The following BMP6 variants were observed in gnomAD, a reference collection of about 807,000 sequenced individuals.
BMP6 encodes bone morphogenetic protein 6, also known as VG-1-R.
In BMP6, 17 loss-of-function variants were observed where a neutral mutation model predicts 54.1. That is an observed-to-expected ratio of 0.31 (90% CI 0.22 to 0.47). The LOEUF is 0.47. Ranked by LOEUF, BMP6 falls within the 20% of genes least tolerant of loss-of-function variation. The pLI, the probability that BMP6 is intolerant of heterozygous loss-of-function variation, is 1.00. For missense variants in BMP6, 720 were observed against 690.4 expected (o/e 1.04, Z -0.48); for synonymous variants, 328 against 291.2 (o/e 1.13, Z -1.28).
intron 1 of BMP6, among the ~76,000 whole-genome samples, chr6:7,783,319 A>G (rs1159547175): frequency 1.3e-5 from 2 of 152,222 alleles, no homozygotes; most frequent in African/African-American, 4.8e-5. Flanking sequence ...GTGAAAATTA[A>G]ATGAGATAAC....
rs1759684815 is a variant in BMP6, at chr6:7,879,867, C to T, written c.1282-124C>T. ...TGTGAACTTGGACAAATTCCTAAGC[C>T]TTCCTGCGTCTGTATCCTTGCCTGT... On this transcript the variant is annotated intron_variant, in intron 5 of 6. Transcript: ENST00000283147. 1.2e-5 allele frequency: 12 copies of T among 984,044 alleles called. No individual in the cohort carries two copies. In the Admixed American group the frequency reaches 1.3e-4, roughly 11 times the overall value. 61.0% of individuals were successfully genotyped at this position (984,044 alleles called of 1,614,324 possible).
intron 1 of BMP6, among the ~76,000 whole-genome samples, chr6:7,798,475 T>C (rs1758223788): frequency 6.6e-6 from 1 of 152,208 alleles, no homozygotes; most frequent in South Asian, 2.1e-4. Context: ...TCTGATACAG[T>C]GCGCATGAGC....
Position 7,858,805 on chromosome 6 carries a change from A to C in BMP6, c.858-2646A>C, listed in dbSNP as rs138142464. Among the ~76,000 whole-genome samples the C allele has an allele frequency of 4.0e-5, 6 of 149,776 alleles. No homozygotes were observed. The East Asian group carries it at 9.8e-4, about 24-fold the overall frequency. ...CCCTTCCAGAGGCCCCGAGCATCCT[A>C]GATCTAAACATTGAAGTCCAAGCCT... On this transcript the variant is annotated intron_variant, in intron 2 of 6. Transcript: ENST00000283147.
chr6:7,762,805 T>G (rs563974683), intron 1 of BMP6, among the ~76,000 whole-genome samples: 12 of 152,354 alleles, frequency 7.9e-5, no homozygotes, highest in African/African-American at 2.9e-4. Context: ...GTCCATATTC[T>G]CGCAGTTCTT....
At chr6:7,773,585 TC>T (rs1757820803) in intron 1 of BMP6, among the ~76,000 whole-genome samples, 1 of 152,212 alleles carries the variant, frequency 6.6e-6, no homozygotes, top group African/African-American at 2.4e-5. Flanking sequence ...GCACAGTAGC[TC>T]TGTTTCCATT....
intron 1 of BMP6, among the ~76,000 whole-genome samples, chr6:7,780,441 C>T (rs6920380): frequency 0.011 from 1,606 of 151,720 alleles, 20 homozygotes; most frequent in Non-Finnish European, 0.017. Flanking sequence ...CCCAGCTGCT[C>T]GGGAGGCTGA....
chr6:7,841,562 T>TG (rs1758970884), intron 1 of BMP6, among the ~76,000 whole-genome samples: 2 of 151,176 alleles, frequency 1.3e-5, no homozygotes, highest in South Asian at 4.2e-4. Context: ...GGCAAAAGAG[T>TG]GGGGGGAACG....
intron 2 of BMP6, among the ~76,000 whole-genome samples, chr6:7,853,856 T>G (rs1759183028): frequency 6.6e-6 from 1 of 152,016 alleles, no homozygotes; most frequent in Non-Finnish European, 1.5e-5. Context: ...GTTAGTTTCA[T>G]CTTCCTAGTC....
chr6:7,871,601 C>T (rs1045371298), intron 4 of BMP6, among the ~76,000 whole-genome samples: 1 of 152,208 alleles, frequency 6.6e-6, no homozygotes, highest in Admixed American at 6.5e-5. Context: ...GGAAAATTGC[C>T]TCTGGGCGGC....
At chr6:7,790,448 G>T (rs889569871) in intron 1 of BMP6, among the ~76,000 whole-genome samples, 1 of 147,756 alleles carries the variant, frequency 6.8e-6, no homozygotes, top group South Asian at 2.2e-4. Flanking sequence ...GGCCCTGGAG[G>T]TGGAGGTTTC....
chr6:7,872,277 AAT>A (rs1214008380), intron 4 of BMP6, among the ~76,000 whole-genome samples: 6 of 145,782 alleles, frequency 4.1e-5, no homozygotes, highest in Non-Finnish European at 8.9e-5. Context: ...TGTAATCTGT[AAT>A]CTGTCAATCT....
chr6:7,808,701 T>G (rs1214901332), intron 1 of BMP6, among the ~76,000 whole-genome samples: 3 of 151,898 alleles, frequency 2.0e-5, no homozygotes, highest in Non-Finnish European at 4.4e-5. Flanking sequence ...ATTGCTTGAG[T>G]ACAGGAGTTT....
chr6:7,847,235 TG>T (rs1759080233), intron 2 of BMP6, among the ~76,000 whole-genome samples: 1 of 152,208 alleles, frequency 6.6e-6, no homozygotes, highest in Non-Finnish European at 1.5e-5. Context: ...CCTTCTAGGA[TG>T]GGAGCATTTG....
At chr6:7,746,455 G>A (rs1299501790) in intron 1 of BMP6, among the ~76,000 whole-genome samples, 2 of 152,184 alleles carry the variant, frequency 1.3e-5, no homozygotes, top group South Asian at 4.1e-4. Context: ...CCCCCCTCCC[G>A]TTTAATCTGT....
At chr6:7,757,850 C>G (rs1215260522) in intron 1 of BMP6, among the ~76,000 whole-genome samples, 1 of 152,186 alleles carries the variant, frequency 6.6e-6, no homozygotes, top group Non-Finnish European at 1.5e-5. Flanking sequence ...CCTGTCTATT[C>G]CTGAACTTCA....
intron 1 of BMP6, among the ~76,000 whole-genome samples, chr6:7,801,286 T>G (rs1361624705): frequency 6.6e-6 from 1 of 152,196 alleles, no homozygotes; most frequent in Non-Finnish European, 1.5e-5. Context: ...TCCTCTTGTT[T>G]TTGGCATTGG....
intron 1 of BMP6, among the ~76,000 whole-genome samples, chr6:7,729,838 T>A (rs949698608): frequency 2.0e-5 from 3 of 152,110 alleles, no homozygotes; most frequent in Non-Finnish European, 4.4e-5. Context: ...CCATATCAAA[T>A]CAGAATGTGT....
At chr6:7,795,567 A>G (rs1433648635) in intron 1 of BMP6, among the ~76,000 whole-genome samples, 4 of 152,158 alleles carry the variant, frequency 2.6e-5, no homozygotes, top group Admixed American at 6.5e-5. Flanking sequence ...ATGACAAGCC[A>G]TTGAGGGAGT....
intron 4 of BMP6, among the ~76,000 whole-genome samples, chr6:7,876,986 G>A (rs1161750403): frequency 6.6e-6 from 1 of 151,984 alleles, no homozygotes; most frequent in Non-Finnish European, 1.5e-5. Context: ...CACAGTCTCT[G>A]GGGTCCTCTG....
Sources: gnomAD v4.1 joint callset for allele counts (sites outside exome capture counted in the v4.1 genomes callset) on GRCh38, gnomAD v4.1.1 for gene constraint, MANE v1.5 for transcripts, NCBI Gene and HGNC (gene_info 2026-07-23, HGNC 2026-07-21) for gene names.